The following ZNF251 variants were observed in gnomAD, a reference collection of about 807,000 sequenced individuals.
ZNF251 encodes zinc finger protein 251.
ZNF251 carries 14 observed loss-of-function variants against 13.5 expected under a neutral mutation model. The observed-to-expected ratio is 1.04, with a 90% CI of 0.69 to 1.63. The LOEUF (loss-of-function observed/expected upper bound fraction) is 1.63. ZNF251 is among the 40% of genes most tolerant of loss of function. The pLI, the probability that ZNF251 is intolerant of heterozygous loss-of-function variation, is 0.00. For synonymous variants in ZNF251, 287 were observed against 295.2 expected (o/e 0.97, Z 0.28); for missense variants, 764 against 834.9 (o/e 0.92, Z 1.05).
chr8:144,751,319 TTTTTCC>T (rs1329444251), intron 4 of ZNF251, among the ~76,000 whole-genome samples: 1 of 152,234 alleles, frequency 6.6e-6, no homozygotes, highest in South Asian at 2.1e-4. Context: ...TTATTTGGCC[TTTTTCC>T]TTTTCCTTTT....
intron 4 of ZNF251, among the ~76,000 whole-genome samples, chr8:144,725,160 C>T (rs1472553472): frequency 1.3e-5 from 2 of 152,134 alleles, no homozygotes; most frequent in Non-Finnish European, 2.9e-5. Flanking sequence ...ACTACAGATG[C>T]TCACCACTAT....
At chr8:144,747,634 C>T (rs955538664) in intron 4 of ZNF251, among the ~76,000 whole-genome samples, 5 of 151,090 alleles carry the variant, frequency 3.3e-5, no homozygotes, top group African/African-American at 1.2e-4. Flanking sequence ...TTTTTTGAGA[C>T]GGAGTCTCGC....
At chr8:144,726,144 C>G (rs1266697215) in intron 4 of ZNF251, among the ~76,000 whole-genome samples, 1 of 136,276 alleles carries the variant, frequency 7.3e-6, no homozygotes, top group Admixed American at 8.6e-5. Context: ...TTGCAGTGAG[C>G]TGAGATTGTG....
At position 144,736,067 on chromosome 8, in the gene ZNF251, GGGC is replaced by G. The variant is rs1823880236; in HGVS notation, c.278-12688_278-12686del. Among the ~76,000 whole-genome samples, 11 of 152,306 alleles carry G rather than the reference GGGC, an allele frequency of 7.2e-5. No homozygotes were observed. In the South Asian group the frequency reaches 2.3e-3, roughly 32 times the overall value. ...CCGGACCCTCATGGGCCCCCACGCT[GGGC>G]GGCTGTGCCCAACGCCCTCATCATG... On this transcript the variant is annotated intron_variant, in intron 4 of 4. Coordinates refer to ENST00000292562, the MANE Select transcript of ZNF251 (RefSeq NM_138367.2).
chr8:144,724,921 G>GAA (rs1823474100), intron 4 of ZNF251, among the ~76,000 whole-genome samples: 3 of 152,128 alleles, frequency 2.0e-5, no homozygotes, highest in African/African-American at 7.2e-5. Context: ...ATCTGGGCTT[G>GAA]GCATTTTTTC....
chr8:144,733,394 G>C (rs1823778958), intron 4 of ZNF251, among the ~76,000 whole-genome samples: 1 of 152,226 alleles, frequency 6.6e-6, no homozygotes, highest in South Asian at 2.1e-4. Flanking sequence ...CCACAGTGCA[G>C]CACGCCTGTT....
rs971338567 is a variant in ZNF251 at position 144,754,449 on chromosome 8, A to C, written c.34-128T>G. 1.5e-5 allele frequency: 22 copies of C among 1,445,938 alleles called. No homozygotes were observed. The Admixed American group carries it at 5.4e-4, about 36-fold the overall frequency. 89.6% of individuals were successfully genotyped at this position (1,445,938 alleles called of 1,614,324 possible). On this transcript the variant is annotated intron_variant, in intron 2 of 4. Transcript: ENST00000292562. ...TGGTCAGTATGAACTGTGTATCAGCAGGTCCCTGATGGGGCAGCTGAGAGC... is the reference window on the plus strand; with the variant it reads ...TGGTCAGTATGAACTGTGTATCAGCCGGTCCCTGATGGGGCAGCTGAGAGC...
At chr8:144,749,042 G>C (rs992992812) in intron 4 of ZNF251, among the ~76,000 whole-genome samples, 10 of 152,212 alleles carry the variant, frequency 6.6e-5, no homozygotes, top group African/African-American at 2.4e-4. Flanking sequence ...ACATGCACCT[G>C]TAGTCCCAGC....
At position 144,753,685 on chromosome 8, in the gene ZNF251, T is replaced by C; in HGVS notation, c.275A>G (p.Lys92Arg). ...ATTAGCATCCCATCCATTCTCACCT[T>C]TCTGGCAGCTTTTCAAGATATCTGG... ...EEPDILKSCQ[K>R]DSEVGTKKEL... Residue 92 changes from lysine to arginine, a missense_variant and splice_region_variant, in exon 4 of 5, where the codon AAA (lysine) becomes AGA (arginine). Lys to Arg is a conservative substitution (Grantham distance 26). Coordinates refer to ENST00000292562, the MANE Select transcript of ZNF251 (RefSeq NM_138367.2). 6.4e-7 allele frequency: 1 copy of C among 1,571,734 alleles called. No individual in the cohort carries two copies. The highest frequency in any genetic ancestry group is 8.6e-7 in the Non-Finnish European group (1 of 1,157,484).
intron 4 of ZNF251, among the ~76,000 whole-genome samples, chr8:144,746,491 A>G (rs1342575797): frequency 6.6e-6 from 1 of 152,202 alleles, no homozygotes; most frequent in Non-Finnish European, 1.5e-5. Context: ...TTGGGTGGAT[A>G]ACACTGACCT....
chr8:144,728,471 G>A (rs1249984790), intron 4 of ZNF251, among the ~76,000 whole-genome samples: 1 of 151,916 alleles, frequency 6.6e-6, no homozygotes, highest in Admixed American at 6.6e-5. Context: ...AGACCATCCT[G>A]GCTAACATGG....
intron 4 of ZNF251, among the ~76,000 whole-genome samples, chr8:144,737,536 A>C (rs893126840): frequency 6.6e-6 from 1 of 150,980 alleles, no homozygotes; most frequent in African/African-American, 2.4e-5. Flanking sequence ...CAAACAAAAA[A>C]CCAGCTACGA....
At chr8:144,744,107 G>T (rs528493516) in intron 4 of ZNF251, among the ~76,000 whole-genome samples, 1 of 146,898 alleles carries the variant, frequency 6.8e-6, no homozygotes, top group African/African-American at 2.5e-5. Context: ...TCTGCCTCCC[G>T]GGTTCAGGCG....
intron 4 of ZNF251, among the ~76,000 whole-genome samples, chr8:144,732,635 AC>A (rs1386886575): frequency 6.6e-6 from 1 of 151,542 alleles, no homozygotes; most frequent in African/African-American, 2.4e-5. Flanking sequence ...ACACGGTGAA[AC>A]CCCGTCTCTA....
In ZNF251 at chr8:144,722,353, T is replaced by C. The variant is rs748280346; in HGVS notation, c.1307A>G (p.Asn436Ser). ...CCGACGAAAGGCTTTGCCGCACTCA[T>C]TACAAACATAGGGTTTTTCTCCTGT... ...IHTGEKPYVC[N>S]ECGKAFRRSS... The change falls in exon 5 of 5, where the codon AAT becomes AGT. Residue 436 changes from asparagine to serine, a missense_variant. By Grantham distance (46) the Asn-to-Ser change is conservative. Transcript: ENST00000292562. This position sits in a 1 kb window ranked among gnomAD's most constrained non-coding sequence, Gnocchi z 4.8. The C allele has an allele frequency of 6.2e-7, 1 of 1,613,994 alleles. No homozygotes were observed. The highest frequency in any genetic ancestry group is 2.2e-5 in the East Asian group (1 of 44,880).
At chr8:144,755,167 G>T (rs1255925207) in intron 1 of ZNF251, 1 of 1,177,226 alleles carries the variant, frequency 8.5e-7, no homozygotes, top group Non-Finnish European at 1.1e-6. Flanking sequence ...GAGGCCGCGG[G>T]GATGCTGCCG....
chr8:144,735,381 CAAAAAAAAAAA>C (rs145271344), intron 4 of ZNF251, among the ~76,000 whole-genome samples: 1 of 94,616 alleles, frequency 1.1e-5, no homozygotes. Context: ...GACTCCGTCT[CAAAAAAAAAAA>C]AAAAAAAAGA....
chr8:144,727,289 A>G (rs531591966), intron 4 of ZNF251, among the ~76,000 whole-genome samples: 1 of 152,302 alleles, frequency 6.6e-6, no homozygotes, highest in Admixed American at 6.5e-5. Context: ...ATTTGTGTAC[A>G]TAGTCCCTAA....
At position 144,755,430 on chromosome 8, in the gene ZNF251, C is replaced by T. The variant is rs1456146265; in HGVS notation, c.-101G>A. 7 of 1,288,014 alleles carry T rather than the reference C, an allele frequency of 5.4e-6. No individual in the cohort carries two copies. The highest frequency in any genetic ancestry group is 7.1e-6 in the Non-Finnish European group (7 of 988,838). The allele number at this position is 1,288,014 out of a possible 1,614,324, so 79.8% of individuals were successfully genotyped here. A position where few individuals can be genotyped will look rare whatever the true frequency, so the allele number is the denominator to read the frequency against. ...CTGTTTGCTCGACCCGGGGAAGCCA[C>T]CGAGGAAGCGCCGAGGAGCTGCGCA... On this transcript the variant is annotated 5_prime_UTR_variant, in exon 1 of 5. The change creates a new upstream start codon in the 5' untranslated region. Coordinates refer to ENST00000292562, the MANE Select transcript of ZNF251 (RefSeq NM_138367.2).
Sources: gnomAD v4.1 joint callset for allele counts (sites outside exome capture counted in the v4.1 genomes callset) on GRCh38, gnomAD v4.1.1 for gene constraint, Gnocchi (gnomAD v3.1) non-coding constraint, MANE v1.5 for transcripts, NCBI Gene and HGNC (gene_info 2026-07-23, HGNC 2026-07-21) for gene names.